The following EPC1 variants were observed in gnomAD, a reference collection of about 807,000 sequenced individuals.
EPC1 encodes the protein enhancer of polycomb 1, also known as enhancer of polycomb homolog 1.
EPC1 carries 12 observed loss-of-function variants against 98.4 expected under a neutral mutation model. The ratio of observed to expected loss-of-function variants is 0.12; its 90% CI spans 0.08 to 0.20. The LOEUF is 0.20. EPC1 is among the 10% of genes least tolerant of loss of function. EPC1 has a pLI of 1.00. For synonymous variants in EPC1, 357 were observed against 363.9 expected, an observed-to-expected ratio of 0.98 and a Z score of 0.21; for missense variants, 729 against 990.5, an observed-to-expected ratio of 0.74 and a Z score of 3.54.
chr10:32,309,371 A>C (rs1439180742), intron 1 of EPC1, among the ~76,000 whole-genome samples: 1 of 152,138 alleles, frequency 6.6e-6, no homozygotes, highest in Non-Finnish European at 1.5e-5. Context: ...GTATGCCCCT[A>C]TCAAAACATC....
At chr10:32,308,676 T>C (rs866152404) in intron 1 of EPC1, among the ~76,000 whole-genome samples, 1 of 152,176 alleles carries the variant, frequency 6.6e-6, no homozygotes, top group African/African-American at 2.4e-5. Context: ...TCACACACTG[T>C]TGGTGAGAAT....
At chr10:32,352,537 A>G (rs868773258) in intron 1 of EPC1, among the ~76,000 whole-genome samples, 7 of 152,232 alleles carry the variant, frequency 4.6e-5, no homozygotes, top group Middle Eastern at 6.8e-3. Flanking sequence ...TCCAGCTCAA[A>G]TATCACCTCC....
chr10:32,336,666 A>T (rs1837993793), intron 1 of EPC1, among the ~76,000 whole-genome samples: 2 of 152,164 alleles, frequency 1.3e-5, no homozygotes, highest in Admixed American at 6.5e-5. Context: ...ATACAACCAT[A>T]GGATAAACTA....
intron 2 of EPC1, among the ~76,000 whole-genome samples, chr10:32,300,914 C>G (rs1835485948): frequency 1.3e-5 from 2 of 152,124 alleles, no homozygotes; most frequent in African/African-American, 4.8e-5. Context: ...TGCCTCAGCC[C>G]TGTAATCAGC....
intron 1 of EPC1, among the ~76,000 whole-genome samples, chr10:32,325,033 A>G (rs1476375186): frequency 6.6e-6 from 1 of 152,184 alleles, no homozygotes; most frequent in Non-Finnish European, 1.5e-5. Context: ...ATAAATAAAT[A>G]AAACCTTGAA....
At chr10:32,306,226 G>C (rs1218739481) in intron 1 of EPC1, among the ~76,000 whole-genome samples, 1 of 152,142 alleles carries the variant, frequency 6.6e-6, no homozygotes. Flanking sequence ...TGCATTTTAC[G>C]GATGAGACGT....
rs753179542 is a variant in EPC1 at position 32,292,561 on chromosome 10, C to A, written c.750G>T (p.Met250Ile). ...TTTTACTTTTTTCTCTTCTTTTTAT[C>A]ATCTCTAGAATAGTAACAGCTCGAC... ...DLSRAVTILE[M>I]IKRREKSKRE... Residue 250 changes from methionine to isoleucine, a missense_variant, in exon 5 of 14, where the codon ATG (methionine) becomes ATT (isoleucine). Transcript: ENST00000319778. The A allele has an allele frequency of 6.2e-7, 1 of 1,607,676 alleles. No homozygotes were observed. Among genetic ancestry groups the A allele is most frequent in the South Asian group, 1.1e-5 (1 of 90,002 alleles).
intron 1 of EPC1, among the ~76,000 whole-genome samples, chr10:32,345,888 A>T (rs1349772808): frequency 6.6e-6 from 1 of 152,208 alleles, no homozygotes; most frequent in East Asian, 1.9e-4. Flanking sequence ...CTATGTTGAG[A>T]TACCAGAGAG....
At chr10:32,287,442 T>C (rs1020211006) in intron 6 of EPC1, among the ~76,000 whole-genome samples, 168 bp from the exon 7 acceptor site, 7 of 152,182 alleles carry the variant, frequency 4.6e-5, no homozygotes, top group African/African-American at 1.2e-4. Flanking sequence ...TCTAGAGAAG[T>C]TGGCCTCCAT....
intron 1 of EPC1, among the ~76,000 whole-genome samples, chr10:32,371,248 A>G (rs952262070): frequency 6.6e-6 from 1 of 152,178 alleles, no homozygotes; most frequent in African/African-American, 2.4e-5. Context: ...TGTGACCTCT[A>G]TCTTGGAGGA....
chr10:32,348,811 T>TA (rs1354105093), upstream of EPC1, among the ~76,000 whole-genome samples: 3 of 152,074 alleles, frequency 2.0e-5, no homozygotes, highest in Non-Finnish European at 4.4e-5. Context: ...AGCTAAGTGT[T>TA]ATGGTGGAAG....
chr10:32,325,207 T>C (rs1008202236), intron 1 of EPC1, among the ~76,000 whole-genome samples: 1 of 152,150 alleles, frequency 6.6e-6, no homozygotes, highest in African/African-American at 2.4e-5. Context: ...ATGAGATCTC[T>C]CTACACACTG....
At chr10:32,321,856 A>T (rs1308629029) in intron 1 of EPC1, among the ~76,000 whole-genome samples, 1 of 151,626 alleles carries the variant, frequency 6.6e-6, no homozygotes, top group Non-Finnish European at 1.5e-5. Flanking sequence ...GTTGGTACTC[A>T]GGGGAAGATT....
chr10:32,370,366 T>G (rs932213490), intron 1 of EPC1, among the ~76,000 whole-genome samples: 1 of 152,180 alleles, frequency 6.6e-6, no homozygotes, highest in African/African-American at 2.4e-5. Context: ...TCCCCCAAAT[T>G]TTTGGTTTAG....
At position 32,312,584 on chromosome 10, in the gene EPC1, C is replaced by T. The variant is rs545824429; in HGVS notation, c.154-6653G>A. 7.9e-5 allele frequency among the ~76,000 whole-genome samples: 12 copies of T among 152,152 alleles called. 1 individual carries two copies. The South Asian group carries it at 2.5e-3, about 32-fold the overall frequency. ...TATTTACTACCGTTAACCATCTCTC[C>T]CTACACCTGCACCCCCAATCTAAGC... On this transcript the variant is annotated intron_variant, in intron 1 of 13. Transcript: ENST00000319778.
At position 32,268,457 on chromosome 10, in the gene EPC1, T is replaced by C. The variant is rs1404255401; in HGVS notation, c.*606A>G. ...CTGATGCCTTTTTTTTTTTTTTTTT[T>C]TTTGTAAAATTCTGTATGTATGTCA... On this transcript the variant is annotated 3_prime_UTR_variant, in exon 14 of 14. Coordinates refer to ENST00000319778, the MANE Select transcript of EPC1 (RefSeq NM_001272004.3). The C allele has an allele frequency of 1.0e-5, 1 of 95,654 alleles. No homozygotes were observed. Among genetic ancestry groups the C allele is most frequent in the Non-Finnish European group, 2.3e-5 (1 of 43,412 alleles). 5.9% of individuals were successfully genotyped at this position (95,654 alleles called of 1,614,324 possible).
chr10:32,281,551 C>A (rs567129194), intron 10 of EPC1: 1 of 152,296 alleles, frequency 6.6e-6, no homozygotes, highest in East Asian at 1.9e-4. Flanking sequence ...GCAATGCGGG[C>A]ACTCACGCCG....
chr10:32,288,990 G>T lies in EPC1; in HGVS notation c.976-1716C>A, dbSNP rs1836848597. Among the ~76,000 whole-genome samples the T allele has an allele frequency of 2.0e-5, 3 of 152,240 alleles. No homozygotes were observed. The South Asian group carries it at 6.2e-4, about 32-fold the overall frequency. ...TGTAGTCCCAGCTATTTGGGAGGCT[G>T]AGGCAGGAGAATCGCTTGAACCCAG... On this transcript the variant is annotated intron_variant, in intron 6 of 13. Transcript: ENST00000319778.
intron 10 of EPC1, among the ~76,000 whole-genome samples, chr10:32,279,361 A>T (rs1391648621): frequency 6.6e-6 from 1 of 151,824 alleles, no homozygotes; most frequent in South Asian, 2.1e-4. Flanking sequence ...AAAAAAAAAA[A>T]AAGAAAAAAA....
Sources: allele counts gnomAD v4.1 joint callset (sites outside exome capture counted in the v4.1 genomes callset), GRCh38; gene constraint gnomAD v4.1.1; transcripts MANE v1.5; gene names NCBI Gene and HGNC (gene_info 2026-07-23, HGNC 2026-07-21).